COLGALT2: variants seen among roughly 807,000 people sequenced by gnomAD.
The protein encoded by COLGALT2 is procollagen galactosyltransferase 2.
COLGALT2 carries 49 observed loss-of-function variants against 73.4 expected under a neutral mutation model. That is an observed-to-expected ratio of 0.67 (90% CI 0.53 to 0.85). The LOEUF is 0.85. Among genes scored for constraint, COLGALT2 ranks in the 40% least tolerant of loss-of-function variants. COLGALT2 has a pLI of 0.00. For synonymous variants in COLGALT2, 295 were observed against 307.6 expected (o/e 0.96, Z 0.43); for missense variants, 722 against 790.2 (o/e 0.91, Z 1.03).
chr1:183,966,474 T>C (rs550654970), intron 5 of COLGALT2, among the ~76,000 whole-genome samples: 1 of 152,316 alleles, frequency 6.6e-6, no homozygotes, highest in South Asian at 2.1e-4. Flanking sequence ...TAGTAAGTCA[T>C]TAGTGCCAAA....
At chr1:183,942,864 G>A (rs556429376) in intron 10 of COLGALT2, among the ~76,000 whole-genome samples, 100 of 152,268 alleles carry the variant, frequency 6.6e-4, no homozygotes, top group African/African-American at 2.3e-3. Flanking sequence ...TGCACCCACC[G>A]AACTACATGT....
chr1:183,985,874 A>G (rs940996531), intron 1 of COLGALT2, among the ~76,000 whole-genome samples: 27 of 152,206 alleles, frequency 1.8e-4, no homozygotes, highest in African/African-American at 4.8e-4. Context: ...TTCCAATTCG[A>G]GACTTCAAAC....
At position 183,975,233 on chromosome 1, in the gene COLGALT2, C is replaced by T. The variant is rs776109946; in HGVS notation, c.375-19G>A. 7 of 1,487,098 alleles carry T rather than the reference C, an allele frequency of 4.7e-6. No homozygotes were observed. Among genetic ancestry groups the T allele is most frequent in the Non-Finnish European group, 6.6e-6 (7 of 1,066,034 alleles). 92.1% of individuals were successfully genotyped at this position (1,487,098 alleles called of 1,614,324 possible). A position where few individuals can be genotyped will look rare whatever the true frequency, so the allele number is the denominator to read the frequency against. The stretch of plus-strand genomic sequence containing the variant: ...GTAAGACCTAAAATAATAATAATAG[C>T]TCATCATTATTGAGTGCCTACATGT... On this transcript the variant is annotated intron_variant, in intron 2 of 11. Transcript: ENST00000361927.
intron 1 of COLGALT2, among the ~76,000 whole-genome samples, chr1:183,986,357 C>T (rs974005205): frequency 2.0e-5 from 3 of 152,162 alleles, no homozygotes; most frequent in Non-Finnish European, 4.4e-5. Flanking sequence ...ATGAAAAATT[C>T]CTCACCAACA....
At chr1:183,948,342 G>T (rs1292380721) in intron 8 of COLGALT2, among the ~76,000 whole-genome samples, 1 of 152,110 alleles carries the variant, frequency 6.6e-6, no homozygotes, top group Non-Finnish European at 1.5e-5. Context: ...ACTAGCAAGA[G>T]AATCCAGCAA....
intron 9 of COLGALT2, among the ~76,000 whole-genome samples, chr1:183,945,079 A>T (rs1670212996): frequency 6.6e-6 from 1 of 152,176 alleles, no homozygotes; most frequent in African/African-American, 2.4e-5. Context: ...GTCCTTCCCA[A>T]CCCACCTCAC....
intron 10 of COLGALT2, among the ~76,000 whole-genome samples, chr1:183,942,183 C>T (rs953102754): frequency 6.6e-6 from 1 of 152,076 alleles, no homozygotes; most frequent in East Asian, 1.9e-4. Context: ...CTCCTGACCT[C>T]GTGATCCACC....
downstream of COLGALT2, among the ~76,000 whole-genome samples, chr1:183,934,938 G>T (rs145143340): frequency 2.5e-3 from 376 of 152,326 alleles, 1 homozygote; most frequent in African/African-American, 8.7e-3. Context: ...CTGAGAAGGA[G>T]ACAGCCCTGA....
intron 4 of COLGALT2, among the ~76,000 whole-genome samples, chr1:183,970,772 C>T (rs1350603151): frequency 6.6e-6 from 1 of 152,176 alleles, no homozygotes; most frequent in Non-Finnish European, 1.5e-5. Flanking sequence ...GGTCTATGAA[C>T]CTATTTTGGG....
downstream of COLGALT2, among the ~76,000 whole-genome samples, chr1:183,933,043 A>G (rs1353748390): frequency 6.6e-6 from 1 of 152,134 alleles, no homozygotes; most frequent in Non-Finnish European, 1.5e-5. Context: ...GGCACTGGAC[A>G]TTTCACTTGT....
At chr1:183,940,821 C>T (rs1371137678) in intron 10 of COLGALT2, 34 bp from the exon 11 acceptor site, 4 of 1,564,804 alleles carry the variant, frequency 2.6e-6, no homozygotes, top group Non-Finnish European at 3.5e-6. Flanking sequence ...AAAATTCCAC[C>T]TTGACTATTA....
At chr1:183,958,488 TC>T (rs2102802422) in intron 6 of COLGALT2, among the ~76,000 whole-genome samples, 1 of 152,204 alleles carries the variant, frequency 6.6e-6, no homozygotes, top group South Asian at 2.1e-4. Context: ...AAATTTATTT[TC>T]CCACTCTTTG....
At chr1:183,930,280 T>C (rs1307181503) in exon 12 of COLGALT2, 1 of 456,152 alleles carries the variant, frequency 2.2e-6, no homozygotes, top group Non-Finnish European at 4.4e-6. Flanking sequence ...AGTGAGGACT[T>C]GAGAGGAGGC....
chr1:184,031,491 A>G (rs1322014028), intron 1 of COLGALT2, among the ~76,000 whole-genome samples: 1 of 152,190 alleles, frequency 6.6e-6, no homozygotes, highest in East Asian at 1.9e-4. Context: ...TGGAAATGAC[A>G]ATTCTTATTT....
intron 8 of COLGALT2, among the ~76,000 whole-genome samples, chr1:183,949,027 A>G (rs2378788): frequency 0.74 from 112,308 of 152,110 alleles, 41,718 homozygotes; most frequent in East Asian, 0.93. Flanking sequence ...ATTTAACAAA[A>G]TAAATGCAAG....
At chr1:183,976,578 A>G (rs901488078) in intron 2 of COLGALT2, among the ~76,000 whole-genome samples, 7 of 152,162 alleles carry the variant, frequency 4.6e-5, no homozygotes, top group African/African-American at 1.4e-4. Context: ...GGGAACATTT[A>G]TAATAGTAAG....
rs201010293 is a variant in COLGALT2, at chr1:183,964,133, A to G, written c.833-113T>C. 6.7e-6 allele frequency: 8 copies of G among 1,199,616 alleles called. No homozygotes were observed. In the East Asian group the frequency reaches 2.1e-4, roughly 31 times the overall value. 74.3% of individuals were successfully genotyped at this position (1,199,616 alleles called of 1,614,324 possible). On this transcript the variant is annotated intron_variant, in intron 5 of 11. Transcript: ENST00000361927. ...ATGCTGAGTTTGACACTGCAATTAA[A>G]TAAGTGGTTGTTTCAGGTATGTCTA...
Position 183,937,442 on chromosome 1 carries a change from A to G in COLGALT2, c.*1319T>C, listed in dbSNP as rs1361028786. 1 of 986,270 alleles carries G rather than the reference A, an allele frequency of 1.0e-6. No homozygotes were observed. The highest frequency in any genetic ancestry group is 1.1e-4 in the East Asian group (1 of 8,862). The allele number at this position is 986,270 out of a possible 1,614,324, so 61.1% of individuals were successfully genotyped here. ...AAAATCAATCTGTGAAGAAAGCAGA[A>G]AGGACTCTTAGGGGATATCTTTTGA... On this transcript the variant is annotated 3_prime_UTR_variant, in exon 12 of 12. Coordinates refer to ENST00000361927, the MANE Select transcript of COLGALT2 (RefSeq NM_015101.4).
chr1:183,965,188 A>C (rs1461927023), intron 5 of COLGALT2, among the ~76,000 whole-genome samples: 1 of 152,228 alleles, frequency 6.6e-6, no homozygotes, highest in East Asian at 1.9e-4. Context: ...GCCCATATGA[A>C]TGCTTCTGGG....
Sources: allele counts gnomAD v4.1 joint callset (sites outside exome capture counted in the v4.1 genomes callset), GRCh38; gene constraint gnomAD v4.1.1; transcripts MANE v1.5; gene names NCBI Gene and HGNC (gene_info 2026-07-23, HGNC 2026-07-21).